Variants in ALDH8A1 observed in about 807,000 individuals in gnomAD.
ALDH8A1 encodes the protein aldehyde dehydrogenase 8 family member A1, also known as 2-aminomuconic semialdehyde dehydrogenase.
A neutral mutation model predicts 43.3 loss-of-function variants in ALDH8A1; 39 were observed. The ratio of observed to expected loss-of-function variants is 0.90; its 90% CI spans 0.70 to 1.18. The LOEUF (loss-of-function observed/expected upper bound fraction) is 1.18, where lower values mean the gene tolerates loss of function less well. Ranked by LOEUF, ALDH8A1 falls within the 50% of genes most tolerant of loss-of-function variation. The pLI, the probability that ALDH8A1 is intolerant of heterozygous loss-of-function variation, is 0.00. For synonymous variants in ALDH8A1, 233 were observed against 243.5 expected (o/e 0.96, Z 0.40); for missense variants, 605 against 622.6 (o/e 0.97, Z 0.30).
At position 134,923,999 on chromosome 6, in the gene ALDH8A1, G is replaced by T. The variant is rs375813202; in HGVS notation, c.1011+5055C>A. On this transcript the variant is annotated intron_variant, in intron 6 of 6. Coordinates refer to ENST00000265605, the MANE Select transcript of ALDH8A1 (RefSeq NM_022568.4). ...TGTGGTCAAGCCTGGCAAAGTAGTC[G>T]AGGTCCCCTGATTCCCTGCATGCAC... is the stretch of plus-strand genomic sequence containing the variant. Among the ~76,000 whole-genome samples the T allele has an allele frequency of 3.0e-4, 46 of 152,288 alleles. 1 individual carries two copies. Among genetic ancestry groups the T allele is most frequent in the Middle Eastern group, 6.8e-3 (2 of 294 alleles).
Position 134,918,497 on chromosome 6 carries a change from T to G in ALDH8A1, c.1382A>C (p.Lys461Thr). 1 of 1,614,152 alleles carries G rather than the reference T, an allele frequency of 6.2e-7. No individual in the cohort carries two copies. The highest frequency in any genetic ancestry group is 8.5e-7 in the Non-Finnish European group (1 of 1,180,018). The change falls in exon 7 of 7, where the codon AAG becomes ACG. Residue 461 changes from lysine to threonine, a missense_variant. Transcript: ENST00000265605. ...TCCCTCTCTACCTATTCCAGAACTC[T>G]TCATCCCCCCGAAAGGAAGGTTCAG... ...RELNLPFGGM[K>T]SSGIGREGAK... is the part of the protein sequence containing the mutation.
At chr6:134,941,716 G>T (rs1773858232) in intron 3 of ALDH8A1, among the ~76,000 whole-genome samples, 1 of 151,644 alleles carries the variant, frequency 6.6e-6, no homozygotes, top group Non-Finnish European at 1.5e-5. Flanking sequence ...GTAGAGACGG[G>T]GTTTCACCAT....
In ALDH8A1 at chr6:134,942,500, G is replaced by A. The variant is rs140050752; in HGVS notation, c.351C>T (p.Phe117=). The A allele has an allele frequency of 6.8e-6, 11 of 1,614,092 alleles. No individual in the cohort carries two copies. Among genetic ancestry groups the A allele is most frequent in the African/African-American group, 5.3e-5 (4 of 74,920 alleles). Residue 117 remains phenylalanine, a synonymous_variant, in exon 3 of 7, where the codon TTC becomes TTT. Coordinates refer to ENST00000265605, the MANE Select transcript of ALDH8A1 (RefSeq NM_022568.4). ...IPRSVQNFRF[F]ASSSLHHTSE... Reference sequence around the variant, plus strand: ...ACGTGTGGTGCAGGCTGGAGGAAGCGAAGAACCTGAAGTTCTGCACAGACC... The same window carrying A: ...ACGTGTGGTGCAGGCTGGAGGAAGCAAAGAACCTGAAGTTCTGCACAGACC...
chr6:134,923,190 C>A (rs1369954481), intron 6 of ALDH8A1, among the ~76,000 whole-genome samples: 1 of 151,938 alleles, frequency 6.6e-6, no homozygotes, highest in African/African-American at 2.4e-5. Context: ...CCACGCCTGG[C>A]TAAATTTTTT....
rs142979310 is a variant in ALDH8A1 at position 134,946,728 on chromosome 6, A to G, written c.139-2762T>C. Among the ~76,000 whole-genome samples the G allele has an allele frequency of 7.2e-3, 937 of 129,716 alleles. 9 individuals carry two copies. The highest frequency in any genetic ancestry group is 0.024 in the African/African-American group (873 of 36,518). The allele number at this position is 129,716 out of a possible 152,430, so 85.1% of individuals were successfully genotyped here. Reference sequence around the variant, plus strand: ...GGCAGTCTGACTCTAGTATGTGCTTATAACTGCAATGCTATAATGCAAATG... The same window carrying G: ...GGCAGTCTGACTCTAGTATGTGCTTGTAACTGCAATGCTATAATGCAAATG... On this transcript the variant is annotated intron_variant, in intron 1 of 6. Coordinates refer to ENST00000265605, the MANE Select transcript of ALDH8A1 (RefSeq NM_022568.4).
In ALDH8A1 at chr6:134,939,535, A is replaced by T. The variant is rs950662215; in HGVS notation, c.443-120T>A. 6.7e-6 allele frequency: 8 copies of T among 1,187,130 alleles called. No individual in the cohort carries two copies. The African/African-American group carries it at 1.1e-4, about 16-fold the overall frequency. The allele number at this position is 1,187,130 out of a possible 1,614,324, so 73.5% of individuals were successfully genotyped here. ...GCAGAAAACTTAGCTTACTCTTCTA[A>T]CTTCTTCCCAAGCTTTGCTTATTTG... On this transcript the variant is annotated intron_variant, in intron 3 of 6. Coordinates refer to ENST00000265605, the MANE Select transcript of ALDH8A1 (RefSeq NM_022568.4).
intron 6 of ALDH8A1, among the ~76,000 whole-genome samples, chr6:134,922,263 A>G (rs1422159659): frequency 6.6e-6 from 1 of 152,258 alleles, no homozygotes; most frequent in Non-Finnish European, 1.5e-5. Context: ...GGCAAGCCAC[A>G]TAGATAGCAG....
chr6:134,928,961 C>T (rs1776931280), intron 6 of ALDH8A1, 93 bp downstream of exon 6: 1 of 1,402,318 alleles, frequency 7.1e-7, no homozygotes, highest in Non-Finnish European at 9.6e-7. Context: ...TAGTAACTAA[C>T]AATATTTCAG....
chr6:134,932,929 G>T lies in ALDH8A1; in HGVS notation c.696C>A (p.Ser232Arg). 6.2e-7 allele frequency: 1 copy of T among 1,614,130 alleles called. No homozygotes were observed. Among genetic ancestry groups the T allele is most frequent in the Non-Finnish European group, 8.5e-7 (1 of 1,180,028 alleles). The stretch of plus-strand genomic sequence containing the variant: ...GGGTGATCCGCTCAGCGGTGGGCTG[G>T]CTCCCGGTGAAGGAGATCAGGGGCA... ...PEVPLISFTG[S>R]QPTAERITQL... The change falls in exon 5 of 7, where the codon AGC (serine) becomes AGA (arginine). Residue 232 changes from serine to arginine, a missense_variant. By Grantham distance (110) the Ser-to-Arg change is moderately radical. Transcript: ENST00000265605.
intron 1 of ALDH8A1, among the ~76,000 whole-genome samples, chr6:134,944,584 AT>A (rs1378797659): frequency 1.3e-5 from 2 of 152,158 alleles, no homozygotes; most frequent in Admixed American, 1.3e-4. Context: ...AGAAACTAGA[AT>A]TTTTAAAAAT....
At position 134,929,110 on chromosome 6, in the gene ALDH8A1, G is replaced by T. The variant is rs1340249164; in HGVS notation, c.955C>A (p.Pro319Thr). ...CCTATGCTCACCAGTGGATCAGAGG[G>T]AATGCCGACTTTCCACTTTCTGGTA... ...EATRKWKVGIPSDPLVSIGAL... is the reference protein window; with the variant it reads ...EATRKWKVGITSDPLVSIGAL... Residue 319 changes from proline (P) to threonine (T), a missense_variant, in exon 6 of 7, where the codon CCC becomes ACC. Pro to Thr is a conservative substitution (Grantham distance 38). Coordinates refer to ENST00000265605, the MANE Select transcript of ALDH8A1 (RefSeq NM_022568.4). 1 of 1,614,046 alleles carries T rather than the reference G, an allele frequency of 6.2e-7. No individual in the cohort carries two copies. The highest frequency in any genetic ancestry group is 8.5e-7 in the Non-Finnish European group (1 of 1,180,038).
At position 134,926,202 on chromosome 6, in the gene ALDH8A1, CT is replaced by C. The variant is rs749949919; in HGVS notation, c.1011+2851del. ...ATACCAGCATAGACTCAGGACCCTT[CT>C]TTTTTTTTTTTTTTTTTTTTTTTGA... On this transcript the variant is annotated intron_variant, in intron 6 of 6. Coordinates refer to ENST00000265605, the MANE Select transcript of ALDH8A1 (RefSeq NM_022568.4). 7.2e-3 allele frequency among the ~76,000 whole-genome samples: 678 copies of C among 93,756 alleles called. 2 individuals are homozygous for C. Among genetic ancestry groups the C allele is most frequent in the African/African-American group, 0.023 (545 of 23,886 alleles). The allele number at this position is 93,756 out of a possible 152,430, so 61.5% of individuals were successfully genotyped here.
Position 134,939,448 on chromosome 6 carries a change from C to T in ALDH8A1, c.443-33G>A, listed in dbSNP as rs76101175. Reference sequence around the variant, plus strand: ...ATGAGAGCAGAAGCACTGCCTGTGACGGCATACCCCTCTGAGGTGGACTGG... The same window carrying T: ...ATGAGAGCAGAAGCACTGCCTGTGATGGCATACCCCTCTGAGGTGGACTGG... On this transcript the variant is annotated intron_variant, in intron 3 of 6. Transcript: ENST00000265605. 35 of 1,606,068 alleles carry T rather than the reference C, an allele frequency of 2.2e-5. No homozygotes were observed. The African/African-American group carries it at 2.9e-4, about 13-fold the overall frequency.
chr6:134,930,064 C>T lies in ALDH8A1; in HGVS notation c.850-849G>A, dbSNP rs114718169. Among the ~76,000 whole-genome samples the T allele has an allele frequency of 3.1e-3, 465 of 152,174 alleles. 3 individuals carry two copies. The highest frequency in any genetic ancestry group is 9.8e-3 in the African/African-American group (406 of 41,504). On this transcript the variant is annotated intron_variant, in intron 5 of 6. Coordinates refer to ENST00000265605, the MANE Select transcript of ALDH8A1 (RefSeq NM_022568.4). The stretch of plus-strand genomic sequence containing the variant: ...GATTCTTCCAGGGGCACGGGACCTC[C>T]GAAGTGTGATGAAGTTGGCACAGAT...
At chr6:134,946,309 G>C (rs1013773826) in intron 1 of ALDH8A1, among the ~76,000 whole-genome samples, 4 of 152,164 alleles carry the variant, frequency 2.6e-5, no homozygotes, top group African/African-American at 9.7e-5. Context: ...TCCACCACCA[G>C]CTGCAGCCAT....
In ALDH8A1 at chr6:134,931,488, G is replaced by A. The variant is rs181912844; in HGVS notation, c.849+1288C>T. Reference sequence around the variant, plus strand: ...CATGTTGGCCAGGCTGGTCTCGAGCGCTCCTAACCTCAGGTGATCCACCCA... The same window carrying A: ...CATGTTGGCCAGGCTGGTCTCGAGCACTCCTAACCTCAGGTGATCCACCCA... On this transcript the variant is annotated intron_variant, in intron 5 of 6. Coordinates refer to ENST00000265605, the MANE Select transcript of ALDH8A1 (RefSeq NM_022568.4). Among the ~76,000 whole-genome samples the A allele has an allele frequency of 1.6e-3, 178 of 109,316 alleles. 1 individual carries two copies. Among genetic ancestry groups the A allele is most frequent in the Non-Finnish European group, 2.2e-3 (131 of 60,390 alleles). 71.7% of individuals were successfully genotyped at this position (109,316 alleles called of 152,430 possible).
At chr6:134,932,437 T>C (rs550975649) in intron 5 of ALDH8A1, among the ~76,000 whole-genome samples, 8 of 152,006 alleles carry the variant, frequency 5.3e-5, no homozygotes, top group African/African-American at 1.7e-4. Context: ...AAAGACAGGG[T>C]TTAAGAAAAG....
chr6:134,944,522 C>A (rs1002425003), intron 1 of ALDH8A1, among the ~76,000 whole-genome samples: 1 of 152,150 alleles, frequency 6.6e-6, no homozygotes, highest in Non-Finnish European at 1.5e-5. Flanking sequence ...GTAATCAGAT[C>A]ATTAGAAAGA....
At chr6:134,927,739 G>A (rs139283438) in intron 6 of ALDH8A1, among the ~76,000 whole-genome samples, 174 of 152,280 alleles carry the variant, frequency 1.1e-3, no homozygotes, top group Middle Eastern at 3.4e-3. Context: ...AGTACTGCCT[G>A]AGCCTGCTGA....
Sources: allele counts gnomAD v4.1 joint callset (sites outside exome capture counted in the v4.1 genomes callset), GRCh38; gene constraint gnomAD v4.1.1; transcripts MANE v1.5; gene names NCBI Gene and HGNC (gene_info 2026-07-23, HGNC 2026-07-21).